The following KCNQ5 variants were observed in gnomAD, a reference collection of about 807,000 sequenced individuals.
KCNQ5 encodes the protein potassium voltage-gated channel subfamily Q member 5, also known as potassium voltage-gated channel subfamily KQT member 5.
KCNQ5 carries 30 observed loss-of-function variants against 98.2 expected under a neutral mutation model. That is an observed-to-expected ratio of 0.31 (90% CI 0.23 to 0.41). The LOEUF (loss-of-function observed/expected upper bound fraction) is 0.41, where lower values mean the gene tolerates loss of function less well. Ranked by LOEUF, KCNQ5 falls within the 10% of genes least tolerant of loss-of-function variation. The pLI is 1.00. For missense variants in KCNQ5, 835 were observed against 1,182.5 expected (o/e 0.71, Z 4.31); for synonymous variants, 458 against 449.4 (o/e 1.02, Z -0.24).
At chr6:72,835,318 G>C (rs1776457301) in intron 1 of KCNQ5, among the ~76,000 whole-genome samples, 1 of 152,090 alleles carries the variant, frequency 6.6e-6, no homozygotes, top group Non-Finnish European at 1.5e-5. Flanking sequence ...TCTTGCTGCA[G>C]ATGTACTCCA....
At chr6:72,656,394 C>G (rs1031743428) in intron 1 of KCNQ5, among the ~76,000 whole-genome samples, 2 of 152,176 alleles carry the variant, frequency 1.3e-5, no homozygotes, top group African/African-American at 4.8e-5. Flanking sequence ...AGTATTCCAT[C>G]AGGAGCAATT....
chr6:73,002,485 T>C (rs190624791), intron 1 of KCNQ5, among the ~76,000 whole-genome samples: 119 of 152,300 alleles, frequency 7.8e-4, no homozygotes, highest in Non-Finnish European at 1.3e-3. Context: ...ATAGAGATAA[T>C]TGATAATGTA....
At chr6:72,824,358 A>C (rs1775890859) in intron 1 of KCNQ5, among the ~76,000 whole-genome samples, 2 of 152,178 alleles carry the variant, frequency 1.3e-5, no homozygotes, top group Admixed American at 1.3e-4. Context: ...TGATACCTAA[A>C]TTAGAAAATC....
intron 10 of KCNQ5, among the ~76,000 whole-genome samples, chr6:73,168,157 A>G (rs1217524974): frequency 6.6e-6 from 1 of 152,216 alleles, no homozygotes; most frequent in Non-Finnish European, 1.5e-5. Context: ...GCACAAAAGT[A>G]AACTGCATAA....
intron 10 of KCNQ5, among the ~76,000 whole-genome samples, chr6:73,146,416 G>C (rs1776925651): frequency 6.6e-6 from 1 of 152,048 alleles, no homozygotes; most frequent in South Asian, 2.1e-4. Context: ...CTTGAGCCCA[G>C]GAGTTAGAGA....
chr6:72,760,447 C>CGTGTGTGT, intron 1 of KCNQ5, among the ~76,000 whole-genome samples: 1 of 148,140 alleles, frequency 6.8e-6, no homozygotes, highest in South Asian at 2.2e-4. Flanking sequence ...TTCAGGAGTA[C>CGTGTGTGT]GTGTGTGTGT....
intron 3 of KCNQ5, among the ~76,000 whole-genome samples, chr6:73,048,437 G>C (rs1359972559): frequency 1.3e-5 from 2 of 152,194 alleles, no homozygotes; most frequent in East Asian, 3.8e-4. Flanking sequence ...GAGACAGGCA[G>C]AGGTCACACC....
intron 1 of KCNQ5, among the ~76,000 whole-genome samples, chr6:72,699,804 C>A (rs1308416782): frequency 2.6e-5 from 4 of 152,126 alleles, no homozygotes; most frequent in African/African-American, 9.7e-5. Context: ...GACTTAAGTA[C>A]TCTTATTTTG....
chr6:72,810,132 G>A (rs1488953228), intron 1 of KCNQ5, among the ~76,000 whole-genome samples: 1 of 152,216 alleles, frequency 6.6e-6, no homozygotes, highest in East Asian at 1.9e-4. Context: ...TCAGCGCCCA[G>A]AGAATAGCTT....
At chr6:73,152,890 G>A (rs1190305829) in intron 10 of KCNQ5, among the ~76,000 whole-genome samples, 1 of 152,170 alleles carries the variant, frequency 6.6e-6, no homozygotes, top group Admixed American at 6.5e-5. Context: ...TAACGAGCAG[G>A]TTGTGGTGGA....
intron 3 of KCNQ5, among the ~76,000 whole-genome samples, chr6:73,043,589 A>T (rs1771819385): frequency 6.6e-6 from 1 of 152,236 alleles, no homozygotes; most frequent in African/African-American, 2.4e-5. Flanking sequence ...CTACTGCACA[A>T]CAAGTACTTT....
At chr6:72,645,981 C>T (rs1765576813) in intron 1 of KCNQ5, among the ~76,000 whole-genome samples, 1 of 152,014 alleles carries the variant, frequency 6.6e-6, no homozygotes, top group Non-Finnish European at 1.5e-5. Flanking sequence ...ATGTGATGTA[C>T]TGTGCCCCTA....
intron 11 of KCNQ5, among the ~76,000 whole-genome samples, chr6:73,171,708 T>C (rs1778022763): frequency 6.6e-6 from 1 of 152,230 alleles, no homozygotes; most frequent in Non-Finnish European, 1.5e-5. Flanking sequence ...AAAATTTTAT[T>C]GAACATTACT....
intron 1 of KCNQ5, among the ~76,000 whole-genome samples, chr6:72,627,474 C>T (rs1401271338): frequency 1.3e-5 from 2 of 152,184 alleles, no homozygotes; most frequent in African/African-American, 2.4e-5. Flanking sequence ...AAGGTTATGG[C>T]CAGCAGTTTC....
At chr6:72,716,569 T>A (rs1458412866) in intron 1 of KCNQ5, among the ~76,000 whole-genome samples, 1 of 152,230 alleles carries the variant, frequency 6.6e-6, no homozygotes, top group Non-Finnish European at 1.5e-5. Flanking sequence ...TATCAATTAA[T>A]CCTGGGTACC....
At chr6:73,048,798 G>C (rs902279407) in intron 3 of KCNQ5, among the ~76,000 whole-genome samples, 1 of 152,058 alleles carries the variant, frequency 6.6e-6, no homozygotes, top group Admixed American at 6.5e-5. Context: ...TTTTCTATGA[G>C]GAACTGGAAT....
rs976845267 is a variant in KCNQ5, at chr6:72,900,480, C to CAT, written c.399-103414_399-103413dup. Among the ~76,000 whole-genome samples, 212 of 135,912 alleles carry CAT rather than the reference C, an allele frequency of 1.6e-3. 1 individual carries two copies. Among genetic ancestry groups the CAT allele is most frequent in the African/African-American group, 3.1e-3 (112 of 36,370 alleles). The allele number at this position is 135,912 out of a possible 152,430, so 89.2% of individuals were successfully genotyped here. The stretch of plus-strand genomic sequence containing the variant: ...ATGATTTATTTTATATATATTCCAT[C>CAT]ATATATATATATATACTCCATCATA... On this transcript the variant is annotated intron_variant, in intron 1 of 13. Transcript: ENST00000370398.
intron 1 of KCNQ5, among the ~76,000 whole-genome samples, chr6:72,826,242 C>T (rs1775988220): frequency 6.6e-6 from 1 of 152,090 alleles, no homozygotes; most frequent in Non-Finnish European, 1.5e-5. Context: ...ACCAGTTACC[C>T]TTCCTGCAAG....
chr6:72,941,350 TTCCTTCTTTTC>T, intron 1 of KCNQ5, among the ~76,000 whole-genome samples: 1 of 42,510 alleles, frequency 2.4e-5, no homozygotes, highest in Admixed American at 5.0e-4. Context: ...CCTTTCTTCC[TTCCTTCTTTTC>T]TTCCTTCCTT....
Sources: allele counts gnomAD v4.1 joint callset (sites outside exome capture counted in the v4.1 genomes callset), GRCh38; gene constraint gnomAD v4.1.1; transcripts MANE v1.5; gene names NCBI Gene and HGNC (gene_info 2026-07-23, HGNC 2026-07-21).